ABCA4: variants seen among roughly 807,000 people sequenced by gnomAD.
ABCA4 encodes the protein retinal-specific phospholipid-transporting ATPase ABCA4.
A neutral mutation model predicts 263.7 loss-of-function variants in ABCA4; 196 were observed. That is an observed-to-expected ratio of 0.74 (90% CI 0.66 to 0.84). The LOEUF (loss-of-function observed/expected upper bound fraction) is 0.84. Ranked by LOEUF, ABCA4 falls within the 40% of genes least tolerant of loss-of-function variation. ABCA4 has a pLI of 0.00. For synonymous variants in ABCA4, 1,133 were observed against 1,094.2 expected (o/e 1.04, Z -0.70); for missense variants, 2,792 against 2,855.1 (o/e 0.98, Z 0.50).
intron 20 of ABCA4, among the ~76,000 whole-genome samples, chr1:94,044,021 T>G: frequency 1.3e-5 from 2 of 151,238 alleles, no homozygotes; most frequent in Admixed American, 6.6e-5. Flanking sequence ...CCCTTCCCTT[T>G]TCCTCCCTCC....
rs747178213 is a variant in ABCA4 at position 94,014,536 on chromosome 1, T to C, written c.5460+7A>G. 2.5e-6 allele frequency: 4 copies of C among 1,614,050 alleles called. No homozygotes were observed. The African/African-American group carries it at 5.3e-5, about 22-fold the overall frequency. ...TCAAACAAAAAAGCCAAGAAAGTTA[T>C]GCTCACCCGGTTATTCTCAAATAAT... On this transcript the variant is annotated splice_region_variant and intron_variant, in intron 38 of 49. Coordinates refer to ENST00000370225, the MANE Select transcript of ABCA4 (RefSeq NM_000350.3).
At chr1:94,025,877 T>C (rs1414969819) in intron 30 of ABCA4, among the ~76,000 whole-genome samples, 1 of 152,160 alleles carries the variant, frequency 6.6e-6, no homozygotes, top group Admixed American at 6.5e-5. Context: ...AGCTGTTGTG[T>C]CCCCAGCACC....
intron 11 of ABCA4, among the ~76,000 whole-genome samples, chr1:94,075,553 G>A (rs1006582509): frequency 6.6e-6 from 1 of 152,154 alleles, no homozygotes; most frequent in Non-Finnish European, 1.5e-5. Context: ...GGTGGCACCA[G>A]GGCAACAGAA....
At chr1:94,004,202 A>G (rs1159529796) in intron 44 of ABCA4, among the ~76,000 whole-genome samples, 2 of 152,156 alleles carry the variant, frequency 1.3e-5, no homozygotes, top group Non-Finnish European at 2.9e-5. Flanking sequence ...TGCATGAAAC[A>G]TGAACACATC....
intron 5 of ABCA4, among the ~76,000 whole-genome samples, chr1:94,101,694 CAGCCAGGAGGG>C (rs1226068343): frequency 1.3e-5 from 2 of 152,194 alleles, no homozygotes; most frequent in African/African-American, 2.4e-5. Context: ...GGATCAGACC[CAGCCAGGAGGG>C]AGTCGGGAGG....
chr1:94,005,208 TA>T (rs1471891445), intron 44 of ABCA4, among the ~76,000 whole-genome samples: 1 of 152,236 alleles, frequency 6.6e-6, no homozygotes, highest in Non-Finnish European at 1.5e-5. Flanking sequence ...GATAAATGCA[TA>T]CAACATTTTG....
At chr1:94,086,928 G>A (rs1661846871) in intron 6 of ABCA4, among the ~76,000 whole-genome samples, 1 of 152,164 alleles carries the variant, frequency 6.6e-6, no homozygotes, top group African/African-American at 2.4e-5. Context: ...GTAAACAACA[G>A]AAATCTATTT....
rs745454563 is a variant in ABCA4, at chr1:94,029,504, C to A, written c.4480G>T (p.Glu1494Ter). 6.3e-7 allele frequency: 1 copy of A among 1,599,664 alleles called. No individual in the cohort carries two copies. Among genetic ancestry groups the A allele is most frequent in the East Asian group, 2.2e-5 (1 of 44,602 alleles). Residue 1494 changes from glutamate (E) to a stop codon, truncating the protein, a stop_gained, in exon 30 of 50, where the codon GAG (glutamate) becomes TAG (stop). Coordinates refer to ENST00000370225, the MANE Select transcript of ABCA4 (RefSeq NM_000350.3). LOFTEE classifies it high-confidence loss of function. ...CACTCTGGCAGCATGGTGAGCTTCTCCCTGGTGCTGCACCTGCAGGATGGT... is the reference window on the plus strand; with the variant it reads ...CACTCTGGCAGCATGGTGAGCTTCTACCTGGTGCTGCACCTGCAGGATGGT... ...PSPSCRCSTR[E>*]KLTMLPECPE...
intron 11 of ABCA4, among the ~76,000 whole-genome samples, chr1:94,075,678 A>G (rs1437699435): frequency 6.6e-6 from 1 of 152,222 alleles, no homozygotes; most frequent in Non-Finnish European, 1.5e-5. Context: ...CCTCGAGTTT[A>G]TTCCCTCTCC....
At chr1:94,069,958 G>T (rs558403798) in intron 11 of ABCA4, among the ~76,000 whole-genome samples, 1 of 152,208 alleles carries the variant, frequency 6.6e-6, no homozygotes. Context: ...GATCAAGTTG[G>T]AGGACAAAGA....
intron 48 of ABCA4, 68 bp downstream of exon 48, chr1:93,997,793 A>G (rs1659048948): frequency 6.2e-7 from 1 of 1,606,246 alleles, no homozygotes; most frequent in African/African-American, 1.3e-5. Context: ...TCTTATGGCA[A>G]TTCCAACCCA....
At chr1:94,031,740 G>A in intron 27 of ABCA4, 38 bp downstream of exon 27, 1 of 1,612,096 alleles carries the variant, frequency 6.2e-7, no homozygotes, top group Non-Finnish European at 8.5e-7. Flanking sequence ...TGGGAGAGGA[G>A]CCACTGAGCT....
At chr1:94,014,177 G>A (rs1356325955) in intron 38 of ABCA4, among the ~76,000 whole-genome samples, 4 of 150,708 alleles carry the variant, frequency 2.7e-5, no homozygotes, top group African/African-American at 4.9e-5. Flanking sequence ...GGTGCTTATA[G>A]GAAGGAAAGA....
In ABCA4 at chr1:94,000,928, G is replaced by A; in HGVS notation, c.6387C>T (p.Ser2129=). Residue 2129 remains serine (S), a splice_region_variant and synonymous_variant, in exon 47 of 50, where the codon AGC becomes AGT. Coordinates refer to ENST00000370225, the MANE Select transcript of ABCA4 (RefSeq NM_000350.3). ...TACACAGTGCCTCACATTCTTCCAT[G>A]CTGTGGGGCAGGAGAGAGGAGGTGA... ...EGRAVVLTSH[S]MEECEALCTR... The A allele has an allele frequency of 1.2e-6, 2 of 1,614,210 alleles. No individual in the cohort carries two copies. The highest frequency in any genetic ancestry group is 2.2e-5 in the South Asian group (2 of 91,082).
Position 94,121,042 on chromosome 1 carries a change from C to T in ABCA4, c.4G>A (p.Gly2Ser). ...AAAAGCTGTATCTGTCTCACGAAGC[C>T]CATGCTAATGACCACACGAAGACCA... MGFVRQIQLLLW... is the reference protein window; with the variant it reads MSFVRQIQLLLW... Residue 2 changes from glycine (G) to serine (S), a missense_variant, in exon 1 of 50, where the codon GGC becomes AGC. Physicochemically the swap from Gly to Ser is moderately conservative, Grantham distance 56. Transcript: ENST00000370225. The T allele has an allele frequency of 6.2e-7, 1 of 1,614,158 alleles. No homozygotes were observed. The highest frequency in any genetic ancestry group is 8.5e-7 in the Non-Finnish European group (1 of 1,180,040).
At chr1:94,012,536 T>G (rs1044386368) in intron 38 of ABCA4, among the ~76,000 whole-genome samples, 1 of 152,174 alleles carries the variant, frequency 6.6e-6, no homozygotes. Context: ...TCCTAATTAT[T>G]TTTTTGTCCT....
At chr1:94,033,810 C>T (rs150018183) in intron 26 of ABCA4, among the ~76,000 whole-genome samples, 8 of 152,256 alleles carry the variant, frequency 5.3e-5, no homozygotes, top group African/African-American at 9.6e-5. Context: ...TGCAGGTTCT[C>T]GGTGCCAGAG....
In ABCA4 at chr1:94,008,230, C is replaced by G. The variant is rs779868828; in HGVS notation, c.5898+5G>C. The G allele has an allele frequency of 6.2e-7, 1 of 1,613,992 alleles. No homozygotes were observed. Among genetic ancestry groups the G allele is most frequent in the South Asian group, 1.1e-5 (1 of 91,070 alleles). On this transcript the variant is annotated splice_donor_5th_base_variant and intron_variant, in intron 42 of 49. Transcript: ENST00000370225. ...CCTTTCACACGTGGTCTGCAGAGTA[C>G]CCACCTCTCCAGGGCGAACTCCGAC... is the stretch of plus-strand genomic sequence containing the variant.
chr1:94,019,336 T>C (rs1659829602), intron 36 of ABCA4: 1 of 505,168 alleles, frequency 2.0e-6, no homozygotes, highest in Non-Finnish European at 3.6e-6. Flanking sequence ...GTGCAGGACA[T>C]AGAGAGCCCC....
Sources: gnomAD v4.1 joint callset for allele counts (sites outside exome capture counted in the v4.1 genomes callset) on GRCh38, gnomAD v4.1.1 for gene constraint, MANE v1.5 for transcripts, NCBI Gene and HGNC (gene_info 2026-07-23, HGNC 2026-07-21) for gene names.